Variants in PIEZO2 observed in about 807,000 individuals in gnomAD.
PIEZO2 encodes piezo type mechanosensitive ion channel component 2.
A neutral mutation model predicts 337.3 loss-of-function variants in PIEZO2; 172 were observed. That is an observed-to-expected ratio of 0.51 (90% CI 0.45 to 0.58). The LOEUF is 0.58. PIEZO2 is among the 20% of genes least tolerant of loss of function. The pLI, the probability that PIEZO2 is intolerant of heterozygous loss-of-function variation, is 0.00. For synonymous variants in PIEZO2, 1,251 were observed against 1,228.5 expected (o/e 1.02, Z -0.38); for missense variants, 3,028 against 3,391.3 (o/e 0.89, Z 2.66).
Position 10,952,262 on chromosome 18 carries a change from T to G in PIEZO2, c.286+27273A>C, listed in dbSNP as rs2033328274. 6.6e-6 allele frequency among the ~76,000 whole-genome samples: 1 copy of G among 152,184 alleles called. No homozygotes were observed. ...AGATTATAAGTTACACAGAGTAAAA[T>G]TTTTGCATGTATAATTTCTCAATTT... is the stretch of plus-strand genomic sequence containing the variant. On this transcript the variant is annotated intron_variant, in intron 3 of 55. Transcript: ENST00000674853. The surrounding 1 kb of genome is among the most constrained non-coding windows in gnomAD (Gnocchi z 4.1).
rs2038277587 is a variant in PIEZO2 at position 11,069,884 on chromosome 18, C to G, written c.65-3662G>C. Among the ~76,000 whole-genome samples the G allele has an allele frequency of 6.6e-6, 1 of 152,096 alleles. No individual in the cohort carries two copies. The highest frequency in any genetic ancestry group is 2.1e-4 in the South Asian group (1 of 4,826). ...GTATTTGCTATATGCTAACAATGAA[C>G]TATCTGAAAAAGAAATTTAAAAAAT... On this transcript the variant is annotated intron_variant, in intron 1 of 55. Coordinates refer to ENST00000674853, the MANE Select transcript of PIEZO2 (RefSeq NM_001378183.1). This position sits in a 1 kb window ranked among gnomAD's most constrained non-coding sequence, Gnocchi z 4.9.
At chr18:10,729,645 GAAAC>G (rs2036687010) in intron 36 of PIEZO2, among the ~76,000 whole-genome samples, 1 of 137,908 alleles carries the variant, frequency 7.3e-6, no homozygotes, top group Admixed American at 7.2e-5. Flanking sequence ...AAAAAGAAAA[GAAAC>G]AAAATACAAC....
rs2039817182 is a variant in PIEZO2, at chr18:10,801,568, A to T, written c.1201-140T>A. On this transcript the variant is annotated intron_variant, in intron 9 of 55. Coordinates refer to ENST00000674853, the MANE Select transcript of PIEZO2 (RefSeq NM_001378183.1). ...CTAGTATATTAATATTGCCATGCAA[A>T]ATATAAAAGGACAAATAAATGAGCT... 3 of 725,510 alleles carry T rather than the reference A, an allele frequency of 4.1e-6. No homozygotes were observed. In the South Asian group the frequency reaches 5.5e-5, roughly 13 times the overall value. The allele number at this position is 725,510 out of a possible 1,614,324, so 44.9% of individuals were successfully genotyped here.
chr18:10,938,106 T>C (rs2032507047), intron 3 of PIEZO2, among the ~76,000 whole-genome samples: 1 of 152,180 alleles, frequency 6.6e-6, no homozygotes, highest in African/African-American at 2.4e-5. Flanking sequence ...AATTCCACTC[T>C]AATTCATCAA....
chr18:10,845,737 A>G (rs914604592), intron 7 of PIEZO2, among the ~76,000 whole-genome samples: 1 of 152,228 alleles, frequency 6.6e-6, no homozygotes, highest in African/African-American at 2.4e-5. Flanking sequence ...TCTGAAGGAC[A>G]TACTGAATAG....
Position 10,748,711 on chromosome 18 carries a change from G to T in PIEZO2, c.4265-81C>A. 1 of 1,308,648 alleles carries T rather than the reference G, an allele frequency of 7.6e-7. No homozygotes were observed. Among genetic ancestry groups the T allele is most frequent in the South Asian group, 1.6e-5 (1 of 62,322 alleles). The allele number at this position is 1,308,648 out of a possible 1,614,324, so 81.1% of individuals were successfully genotyped here. On this transcript the variant is annotated intron_variant, in intron 29 of 55. Coordinates refer to ENST00000674853, the MANE Select transcript of PIEZO2 (RefSeq NM_001378183.1). The surrounding 1 kb of genome is among the most constrained non-coding windows in gnomAD (Gnocchi z 5.1). ...TTTATAAAATCTGAGGTATGGTCAG[G>T]CTTGGGAAATATAGGCATAAAAGCA...
chr18:11,090,448 A>G (rs954254690), intron 1 of PIEZO2, among the ~76,000 whole-genome samples: 14 of 152,216 alleles, frequency 9.2e-5, no homozygotes, highest in African/African-American at 3.4e-4. Flanking sequence ...AATTTGACAC[A>G]GTCTAATGGG....
rs2040508296 is a variant in PIEZO2, at chr18:10,821,073, T to C, written c.918-13799A>G. ...GTGTCTAGATGACTCCTTGAAGATC[T>C]CTGGAGCTCTTTCTCTGTCTTTCTC... On this transcript the variant is annotated intron_variant, in intron 7 of 55. Coordinates refer to ENST00000674853, the MANE Select transcript of PIEZO2 (RefSeq NM_001378183.1). The surrounding 1 kb of genome is among the most constrained non-coding windows in gnomAD (Gnocchi z 4.2). Among the ~76,000 whole-genome samples, 1 of 152,228 alleles carries C rather than the reference T, an allele frequency of 6.6e-6. No individual in the cohort carries two copies. Among genetic ancestry groups the C allele is most frequent in the East Asian group, 1.9e-4 (1 of 5,202 alleles).
At chr18:10,906,818 C>T (rs536167979) in intron 4 of PIEZO2, among the ~76,000 whole-genome samples, 1 of 152,248 alleles carries the variant, frequency 6.6e-6, no homozygotes, top group South Asian at 2.1e-4. Flanking sequence ...ACCTAGGCCT[C>T]CCAAAGTGCT....
At chr18:11,024,725 T>C (rs7240007) in intron 2 of PIEZO2, among the ~76,000 whole-genome samples, 8,455 of 151,822 alleles carry the variant, frequency 0.056, 713 homozygotes, top group African/African-American at 0.18. Flanking sequence ...ACTGCAACCT[T>C]CGTCTCCTGG....
At chr18:10,737,087 A>G (rs767499897) in intron 33 of PIEZO2, among the ~76,000 whole-genome samples, 16 of 152,082 alleles carry the variant, frequency 1.1e-4, no homozygotes, top group Non-Finnish European at 2.1e-4. Flanking sequence ...AAATTCAGCA[A>G]TTTTGGTCTT....
At chr18:11,017,365 A>G (rs559445368) in intron 2 of PIEZO2, among the ~76,000 whole-genome samples, 1 of 152,244 alleles carries the variant, frequency 6.6e-6, no homozygotes, top group African/African-American at 2.4e-5. Context: ...CTGAAAATCC[A>G]TGGGTTTTTT....
At chr18:11,056,835 G>C (rs562289041) in intron 2 of PIEZO2, among the ~76,000 whole-genome samples, 14 of 152,222 alleles carry the variant, frequency 9.2e-5, no homozygotes, top group African/African-American at 2.9e-4. Context: ...ACAAACCTAG[G>C]ATAGATGCTT....
chr18:10,694,852 T>C (rs2143665793), intron 47 of PIEZO2, among the ~76,000 whole-genome samples: 1 of 152,014 alleles, frequency 6.6e-6, no homozygotes, highest in African/African-American at 2.4e-5. Context: ...AATAAATAAA[T>C]AAATAAATTT....
intron 24 of PIEZO2, among the ~76,000 whole-genome samples, chr18:10,760,632 G>A (rs978669399): frequency 6.6e-6 from 1 of 152,154 alleles, no homozygotes; most frequent in Non-Finnish European, 1.5e-5. Context: ...TTCTTAATAA[G>A]AAACCTGTTA....
At chr18:11,075,677 CAT>C (rs2038506852) in intron 1 of PIEZO2, among the ~76,000 whole-genome samples, 1 of 152,084 alleles carries the variant, frequency 6.6e-6, no homozygotes, top group Non-Finnish European at 1.5e-5. Context: ...AAAGGCAAGA[CAT>C]ATGCTTACAT....
chr18:10,986,773 TA>T (rs1356586909), intron 2 of PIEZO2, among the ~76,000 whole-genome samples: 2 of 151,962 alleles, frequency 1.3e-5, no homozygotes, highest in Non-Finnish European at 1.5e-5. Context: ...AGGAAGATAT[TA>T]AATTGTTCCT....
rs1000012676 is a variant in PIEZO2, at chr18:11,110,443, C to T, written c.64+38082G>A. Reference sequence around the variant, plus strand: ...TGACAGGGCTTCAGCATGGGCGCTGCGGCCTTAACTCCTCACAAGTCCCGT... The same window carrying T: ...TGACAGGGCTTCAGCATGGGCGCTGTGGCCTTAACTCCTCACAAGTCCCGT... On this transcript the variant is annotated intron_variant, in intron 1 of 55. Coordinates refer to ENST00000674853, the MANE Select transcript of PIEZO2 (RefSeq NM_001378183.1). This position sits in a 1 kb window ranked among gnomAD's most constrained non-coding sequence, Gnocchi z 4.2. Among the ~76,000 whole-genome samples, 13 of 152,336 alleles carry T rather than the reference C, an allele frequency of 8.5e-5. No homozygotes were observed. The highest frequency in any genetic ancestry group is 2.6e-4 in the Admixed American group (4 of 15,296).
intron 2 of PIEZO2, among the ~76,000 whole-genome samples, chr18:10,995,861 G>C (rs546934611): frequency 2.0e-5 from 3 of 152,142 alleles, no homozygotes; most frequent in Non-Finnish European, 4.4e-5. Context: ...AAGCCTCAGG[G>C]CATACTGCTC....
Sources: allele counts gnomAD v4.1 joint callset (sites outside exome capture counted in the v4.1 genomes callset), GRCh38; gene constraint gnomAD v4.1.1; non-coding constraint Gnocchi (gnomAD v3.1); transcripts MANE v1.5; gene names NCBI Gene and HGNC (gene_info 2026-07-23, HGNC 2026-07-21).